Variants in FAM135A observed in about 807,000 individuals in gnomAD.
FAM135A encodes the protein family with sequence similarity 135 member A.
FAM135A carries 79 observed loss-of-function variants against 146.8 expected under a neutral mutation model. That is an observed-to-expected ratio of 0.54 (90% confidence interval 0.45 to 0.65). The LOEUF (loss-of-function observed/expected upper bound fraction) is 0.65. Among genes scored for constraint, FAM135A ranks in the 30% least tolerant of loss-of-function variants. The probability of loss-of-function intolerance (pLI) is 0.00; values close to 1 mark genes in which losing one functional copy is unlikely to be tolerated. For missense variants in FAM135A, 1,623 were observed against 1,758.2 expected (o/e 0.92, Z 1.38); for synonymous variants, 562 against 603.6 (o/e 0.93, Z 1.01).
chr6:70,516,606 G>T (rs1392342443), intron 12 of FAM135A, among the ~76,000 whole-genome samples: 1 of 144,860 alleles, frequency 6.9e-6, no homozygotes. Context: ...CGTGACCTCG[G>T]CTCACTGCAA....
intron 10 of FAM135A, among the ~76,000 whole-genome samples, chr6:70,489,496 G>C (rs896426739): frequency 6.6e-6 from 1 of 152,140 alleles, no homozygotes; most frequent in Non-Finnish European, 1.5e-5. Flanking sequence ...GGGGTACAGC[G>C]TCCTTGATTC....
chr6:70,423,884 C>T lies in FAM135A; in HGVS notation c.-133-2555C>T, dbSNP rs1420475816. Among the ~76,000 whole-genome samples the T allele has an allele frequency of 2.0e-5, 3 of 152,310 alleles. No individual in the cohort carries two copies. The East Asian group carries it at 5.8e-4, about 29-fold the overall frequency. On this transcript the variant is annotated intron_variant, in intron 2 of 21. Transcript: ENST00000418814. The stretch of plus-strand genomic sequence containing the variant: ...TGAGAGGCACAGTACTTTAGATCTG[C>T]AAGTCCAGTGACCTATAAACAAATC...
rs751581903 is a variant in FAM135A at position 70,475,558 on chromosome 6, C to G, written c.297+9C>G. ...TATTGGATGAAAGAAAGGTAAACAT[C>G]TCTTCATATTTATTTATGTAAATAT... On this transcript the variant is annotated intron_variant, in intron 6 of 21. Coordinates refer to ENST00000418814, the MANE Select transcript of FAM135A (RefSeq NM_001162529.3). The G allele has an allele frequency of 2.4e-5, 38 of 1,581,970 alleles. No homozygotes were observed. The Admixed American group carries it at 6.9e-4, about 29-fold the overall frequency.
At chr6:70,464,667 C>CTTTTTTTTTTTTTTTTTTTTTTT (rs533623758) in intron 5 of FAM135A, among the ~76,000 whole-genome samples, 1 of 99,382 alleles carries the variant, frequency 1.0e-5, no homozygotes, top group Non-Finnish European at 2.1e-5. Context: ...TCTTTTTTTT[C>CTTTTTTTTTTTTTTTTTTTTTTT]TTTTTTTTTT....
chr6:70,461,675 G>A lies in FAM135A; in HGVS notation c.157+9104G>A, dbSNP rs112943806. On this transcript the variant is annotated intron_variant, in intron 5 of 21. Coordinates refer to ENST00000418814, the MANE Select transcript of FAM135A (RefSeq NM_001162529.3). ...AACTGAAGAGAAGAAGAGAACTCCC[G>A]AAAGATCCCTAAATTTATATAATAC... Among the ~76,000 whole-genome samples, 644 of 152,152 alleles carry A rather than the reference G, an allele frequency of 4.2e-3. 4 individuals are homozygous for A. The highest frequency in any genetic ancestry group is 0.015 in the African/African-American group (605 of 41,520).
At chr6:70,541,571 G>A (rs537600295) in intron 20 of FAM135A, among the ~76,000 whole-genome samples, 1 of 151,806 alleles carries the variant, frequency 6.6e-6, no homozygotes, top group African/African-American at 2.4e-5. Flanking sequence ...TTGTGTTTTA[G>A]CCTCTGTCTT....
chr6:70,515,232 C>T (rs868297876), intron 12 of FAM135A, among the ~76,000 whole-genome samples: 4 of 152,154 alleles, frequency 2.6e-5, no homozygotes, highest in Admixed American at 2.0e-4. Flanking sequence ...AACATACTCT[C>T]ATCATATAAT....
chr6:70,525,243 C>G lies in FAM135A; in HGVS notation c.2159C>G (p.Ala720Gly), dbSNP rs751482357. The G allele has an allele frequency of 6.3e-7, 1 of 1,599,596 alleles. No individual in the cohort carries two copies. The highest frequency in any genetic ancestry group is 1.8e-5 in the Admixed American group (1 of 56,782). ...ITFEKEALQE[A>G]KCLSIGESLT... ...TTTGAAAAGGAAGCTTTGCAAGAAG[C>G]AAAGTGTCTTTCTATTGGAGAATCA... is the stretch of plus-strand genomic sequence containing the variant. Residue 720 changes from alanine (A) to glycine (G), a missense_variant, in exon 15 of 22, where the codon GCA becomes GGA. Ala to Gly is a moderately conservative substitution (Grantham distance 60). Transcript: ENST00000418814.
At chr6:70,543,845 A>G (rs932792127) in intron 20 of FAM135A, among the ~76,000 whole-genome samples, 1 of 152,120 alleles carries the variant, frequency 6.6e-6, no homozygotes, top group Non-Finnish European at 1.5e-5. Context: ...GATTAGTTCA[A>G]TTTTTTTCTT....
At chr6:70,473,283 A>C (rs774983742) in intron 5 of FAM135A, among the ~76,000 whole-genome samples, 8 of 152,132 alleles carry the variant, frequency 5.3e-5, no homozygotes, top group Admixed American at 6.5e-5. Context: ...CATTTCTACA[A>C]AGCTGTGGAT....
At chr6:70,547,362 A>G (rs1799037905) in intron 20 of FAM135A, among the ~76,000 whole-genome samples, 1 of 152,216 alleles carries the variant, frequency 6.6e-6, no homozygotes, top group Non-Finnish European at 1.5e-5. Context: ...TAAAAATAAG[A>G]ATAGTTTAAT....
intron 16 of FAM135A, 66 bp downstream of exon 16, chr6:70,528,518 T>G: frequency 1.5e-6 from 2 of 1,329,594 alleles, no homozygotes; most frequent in Non-Finnish European, 2.0e-6. Context: ...AGATCTCATT[T>G]AGTTTCATTT....
At chr6:70,477,455 A>C in intron 8 of FAM135A, 123 bp downstream of exon 8, 1 of 1,033,524 alleles carries the variant, frequency 9.7e-7, no homozygotes. Flanking sequence ...GCTGTACAGG[A>C]AGCATGATGC....
chr6:70,497,201 G>A (rs1457970145), intron 11 of FAM135A, among the ~76,000 whole-genome samples: 2 of 152,058 alleles, frequency 1.3e-5, no homozygotes, highest in Non-Finnish European at 2.9e-5. Context: ...ATTTCTCCTT[G>A]AAGAGGTCCT....
intron 4 of FAM135A, among the ~76,000 whole-genome samples, chr6:70,451,294 C>G (rs1245139356): frequency 6.6e-6 from 1 of 152,088 alleles, no homozygotes; most frequent in Non-Finnish European, 1.5e-5. Flanking sequence ...GCATGTACCA[C>G]TGTTTAGTAT....
At chr6:70,452,462 G>C (rs745768221) in intron 4 of FAM135A, 30 bp from the exon 5 acceptor site, 2 of 1,524,524 alleles carry the variant, frequency 1.3e-6, no homozygotes, top group Non-Finnish European at 1.8e-6. Context: ...AATATGTTTT[G>C]AAATAACTTC....
chr6:70,492,051 G>T (rs901955874), intron 11 of FAM135A, among the ~76,000 whole-genome samples: 1 of 151,780 alleles, frequency 6.6e-6, no homozygotes, highest in Non-Finnish European at 1.5e-5. Flanking sequence ...GAAATGTAAA[G>T]ATGGCTAAGA....
In FAM135A at chr6:70,497,916, G is replaced by T. The variant is rs533439042; in HGVS notation, c.874-4720G>T. Among the ~76,000 whole-genome samples, 11 of 152,328 alleles carry T rather than the reference G, an allele frequency of 7.2e-5. No homozygotes were observed. In the South Asian group the frequency reaches 2.3e-3, roughly 32 times the overall value. ...GATTTTCTCATTGATGTTCATCAGA[G>T]ATATTGACTTGAAATTTTCTTTTTT... On this transcript the variant is annotated intron_variant, in intron 11 of 21. Coordinates refer to ENST00000418814, the MANE Select transcript of FAM135A (RefSeq NM_001162529.3).
chr6:70,489,519 GA>G (rs1785444243), intron 10 of FAM135A, among the ~76,000 whole-genome samples: 1 of 152,148 alleles, frequency 6.6e-6, no homozygotes, highest in Non-Finnish European at 1.5e-5. Flanking sequence ...GTTGAAGGAA[GA>G]ATTCAGCCAA....
Sources: gnomAD v4.1 joint callset for allele counts (sites outside exome capture counted in the v4.1 genomes callset) on GRCh38, gnomAD v4.1.1 for gene constraint, MANE v1.5 for transcripts, NCBI Gene and HGNC (gene_info 2026-07-23, HGNC 2026-07-21) for gene names.